Variants in KIF26B observed in about 807,000 individuals in gnomAD.
KIF26B encodes the protein kinesin family member 26B.
In KIF26B, 63 loss-of-function variants were observed where a neutral mutation model predicts 151.2. That is an observed-to-expected ratio of 0.42 (90% CI 0.34 to 0.51). KIF26B has a LOEUF of 0.51. Among genes scored for constraint, KIF26B ranks in the 20% least tolerant of loss-of-function variants. KIF26B has a pLI of 0.07. For missense variants in KIF26B, 2,813 were observed against 2,913.6 expected (o/e 0.97, Z 0.79); for synonymous variants, 1,357 against 1,262.1 (o/e 1.08, Z -1.59).
chr1:245,542,699 A>C (rs1439333536), intron 5 of KIF26B, among the ~76,000 whole-genome samples: 2 of 152,264 alleles, frequency 1.3e-5, no homozygotes, highest in Admixed American at 6.5e-5. Context: ...GGTGGGTCCA[A>C]GTAACTGCTG....
intron 5 of KIF26B, among the ~76,000 whole-genome samples, chr1:245,543,281 A>G (rs1661664890): frequency 6.6e-6 from 1 of 152,234 alleles, no homozygotes; most frequent in African/African-American, 2.4e-5. Flanking sequence ...TTAGAGGGCA[A>G]AGGACACTGG....
intron 9 of KIF26B, 107 bp downstream of exon 9, chr1:245,612,083 TGTGTGTGTGTGTGTGTGTGTGTGA>T: frequency 7.1e-6 from 5 of 701,916 alleles, no homozygotes; most frequent in South Asian, 1.9e-5. Context: ...TGTGTGTGTG[TGTGTGTGTGTGTGTGTGTGTGTGA>T]GAGAGAGAGA....
chr1:245,581,694 A>G (rs1205460615), intron 5 of KIF26B, among the ~76,000 whole-genome samples: 2 of 152,164 alleles, frequency 1.3e-5, no homozygotes, highest in African/African-American at 4.8e-5. Context: ...CGCTGGCTTC[A>G]CCACATGTAA....
At chr1:245,374,022 C>T (rs1213544336) in intron 3 of KIF26B, among the ~76,000 whole-genome samples, 4 of 123,414 alleles carry the variant, frequency 3.2e-5, no homozygotes, top group African/African-American at 1.3e-4. Context: ...TGTACCACTG[C>T]CTGTAACCTG....
chr1:245,638,875 T>G (rs1273607528), intron 9 of KIF26B, among the ~76,000 whole-genome samples: 2 of 151,846 alleles, frequency 1.3e-5, no homozygotes, highest in African/African-American at 4.8e-5. Flanking sequence ...TATATTGCTG[T>G]CTTCTGTTTA....
At chr1:245,179,776 C>G (rs1237395283) in intron 2 of KIF26B, among the ~76,000 whole-genome samples, 1 of 152,172 alleles carries the variant, frequency 6.6e-6, no homozygotes, top group East Asian at 1.9e-4. Flanking sequence ...CAGGAGGTGT[C>G]AGAAAGACCA....
At chr1:245,682,455 T>TGC (rs1558267842) in intron 10 of KIF26B, among the ~76,000 whole-genome samples, 7 of 146,530 alleles carry the variant, frequency 4.8e-5, no homozygotes, top group African/African-American at 1.0e-4. Context: ...ACTACTCATG[T>TGC]AAGACCTGAC....
chr1:245,386,288 G>A (rs910936316), intron 3 of KIF26B, among the ~76,000 whole-genome samples: 1 of 151,352 alleles, frequency 6.6e-6, no homozygotes, highest in Non-Finnish European at 1.5e-5. Context: ...ATATTGAAAT[G>A]TGCAGCACTC....
intron 3 of KIF26B, among the ~76,000 whole-genome samples, chr1:245,416,610 C>T (rs1674426401): frequency 6.6e-6 from 1 of 152,028 alleles, no homozygotes; most frequent in Non-Finnish European, 1.5e-5. Flanking sequence ...TCTGTAAAAG[C>T]ATCCAGCAGA....
intron 2 of KIF26B, among the ~76,000 whole-genome samples, chr1:245,191,759 G>A (rs916433023): frequency 1.3e-5 from 2 of 152,100 alleles, no homozygotes; most frequent in Admixed American, 6.5e-5. Flanking sequence ...CATTAAGACC[G>A]CAGTAGTTTA....
At chr1:245,321,940 A>C (rs940059955) in intron 2 of KIF26B, among the ~76,000 whole-genome samples, 1 of 152,232 alleles carries the variant, frequency 6.6e-6, no homozygotes, top group Admixed American at 6.5e-5. Flanking sequence ...GAGAGGAACC[A>C]AGAAAGTACG....
At chr1:245,632,024 T>TTG (rs147700174) in intron 9 of KIF26B, among the ~76,000 whole-genome samples, 2,297 of 152,000 alleles carry the variant, frequency 0.015, 61 homozygotes, top group African/African-American at 0.052. Flanking sequence ...TTTGTAATTT[T>TTG]TGTGTGTGTG....
chr1:245,511,244 A>T, intron 4 of KIF26B: 1 of 662,634 alleles, frequency 1.5e-6, no homozygotes, highest in South Asian at 1.8e-5. Flanking sequence ...AAATGCATAA[A>T]CCATTTCAAA....
chr1:245,175,271 T>C (rs369150068), intron 2 of KIF26B, among the ~76,000 whole-genome samples: 1 of 152,064 alleles, frequency 6.6e-6, no homozygotes, highest in Non-Finnish European at 1.5e-5. Context: ...TCTAGTGCAT[T>C]TCAGTAGAGA....
chr1:245,387,633 A>G (rs1449966026), intron 3 of KIF26B, among the ~76,000 whole-genome samples: 3 of 152,080 alleles, frequency 2.0e-5, no homozygotes, highest in Non-Finnish European at 4.4e-5. Flanking sequence ...TCTAGACTGC[A>G]GTGAGCTATG....
At chr1:245,461,422 C>T (rs1202864822) in intron 4 of KIF26B, among the ~76,000 whole-genome samples, 14 of 152,060 alleles carry the variant, frequency 9.2e-5, no homozygotes, top group African/African-American at 1.9e-4. Context: ...GCTAGGATTA[C>T]GATTGCACCC....
intron 2 of KIF26B, among the ~76,000 whole-genome samples, chr1:245,242,650 GTT>G (rs1253531139): frequency 3.0e-5 from 1 of 32,964 alleles, no homozygotes; most frequent in Non-Finnish European, 1.3e-4. Context: ...GTGGTTTTTT[GTT>G]TGTTTGTTTG....
At chr1:245,299,935 G>T (rs886534931) in intron 2 of KIF26B, among the ~76,000 whole-genome samples, 3 of 152,192 alleles carry the variant, frequency 2.0e-5, no homozygotes, top group African/African-American at 4.8e-5. Context: ...TGCGAGGAGA[G>T]GCTGAGAGCT....
chr1:245,425,652 G>A (rs1768096), intron 4 of KIF26B, among the ~76,000 whole-genome samples: 57 of 152,266 alleles, frequency 3.7e-4, no homozygotes, highest in African/African-American at 1.3e-3. Flanking sequence ...TGATCCTCCC[G>A]CCTCCGCCTC....
Sources: gnomAD v4.1 joint callset for allele counts (sites outside exome capture counted in the v4.1 genomes callset) on GRCh38, gnomAD v4.1.1 for gene constraint, MANE v1.5 for transcripts, NCBI Gene and HGNC (gene_info 2026-07-23, HGNC 2026-07-21) for gene names.